Variants in TSC22D4 observed in about 807,000 individuals in gnomAD.
TSC22D4 encodes TSC22 domain family member 4.
Under a neutral mutation model 24.9 loss-of-function variants are expected in TSC22D4, and 5 were observed. The observed-to-expected ratio is 0.20, with a 90% confidence interval of 0.10 to 0.42. The LOEUF (loss-of-function observed/expected upper bound fraction) is 0.42, where lower values mean the gene tolerates loss of function less well. Ranked by LOEUF, TSC22D4 falls within the 10% of genes least tolerant of loss-of-function variation. TSC22D4 has a pLI of 1.00. For synonymous variants in TSC22D4, 245 were observed against 243.2 expected, an observed-to-expected ratio of 1.01 and a Z score of -0.07; for missense variants, 469 against 547.9, an observed-to-expected ratio of 0.86 and a Z score of 1.44.
In TSC22D4 at chr7:100,477,878, C is replaced by A. The variant is rs531456424; in HGVS notation, c.161G>T (p.Gly54Val). Residue 54 changes from glycine (G) to valine (V), a missense_variant, in exon 2 of 5, where the codon GGC (glycine) becomes GTC (valine). Coordinates refer to ENST00000300181, the MANE Select transcript of TSC22D4 (RefSeq NM_030935.5). The surrounding 1 kb of genome is among the most constrained non-coding windows in gnomAD (Gnocchi z 7.8). ...GGAGCCATTCCGGGGGGTGCCCTTG[C>A]CCCCCGGATCGGGGCTGGGCTCCCC... Reference protein sequence around the residue: ...PNGEPSPDPGGKGTPRNGSPP... With the variant: ...PNGEPSPDPGVKGTPRNGSPP... 7 of 1,579,720 alleles carry A rather than the reference C, an allele frequency of 4.4e-6. No homozygotes were observed. Among genetic ancestry groups the A allele is most frequent in the African/African-American group, 2.7e-5 (2 of 74,416 alleles).
At position 100,477,493 on chromosome 7, in the gene TSC22D4, C is replaced by A; in HGVS notation, c.546G>T (p.Glu182Asp). 1 of 1,554,178 alleles carries A rather than the reference C, an allele frequency of 6.4e-7. No homozygotes were observed. Among genetic ancestry groups the A allele is most frequent in the East Asian group, 2.3e-5 (1 of 44,310 alleles). ...GTGAGGAGGCCGACAGTGGGGGTTT[C>A]TCTGCCTTGGCTTTGCTGGGCACCA... ...QLVVPSKAKA[E>D]KPPLSASSPQ... is the part of the protein sequence containing the mutation. Residue 182 changes from glutamate to aspartate, a missense_variant, in exon 2 of 5, where the codon GAG becomes GAT. Glu to Asp is a conservative substitution (Grantham distance 45). Transcript: ENST00000300181. This position sits in a 1 kb window ranked among gnomAD's most constrained non-coding sequence, Gnocchi z 7.8.
At chr7:100,469,820 C>A (rs1799360670) in intron 3 of TSC22D4, among the ~76,000 whole-genome samples, 1 of 152,182 alleles carries the variant, frequency 6.6e-6, no homozygotes, top group Admixed American at 6.5e-5. Flanking sequence ...TTCAAGGTGA[C>A]CCCTGGATAA....
In TSC22D4 at chr7:100,477,886, A is replaced by G; in HGVS notation, c.153T>C (p.Asp51=). ...TCCGGGGGGTGCCCTTGCCCCCCGG[A>G]TCGGGGCTGGGCTCCCCATTGGGCA... ...PRLPNGEPSP[D]PGGKGTPRNG... Residue 51 remains aspartate (D), a synonymous_variant, in exon 2 of 5, where the codon GAT becomes GAC. Transcript: ENST00000300181. This position sits in a 1 kb window ranked among gnomAD's most constrained non-coding sequence, Gnocchi z 7.8. The G allele has an allele frequency of 6.4e-7, 1 of 1,572,140 alleles. No homozygotes were observed. Among genetic ancestry groups the G allele is most frequent in the Non-Finnish European group, 8.6e-7 (1 of 1,160,150 alleles).
At chr7:100,469,531 C>G (rs948367379) in intron 3 of TSC22D4, among the ~76,000 whole-genome samples, 2 of 152,142 alleles carry the variant, frequency 1.3e-5, no homozygotes, top group African/African-American at 4.8e-5. Context: ...CACTCTCAGG[C>G]CCCACCTGCG....
chr7:100,467,952 G>A (rs1395223260), intron 3 of TSC22D4: 1 of 520,840 alleles, frequency 1.9e-6, no homozygotes, highest in East Asian at 5.3e-5. Context: ...TGCCCAAGGG[G>A]AAAGGGTCCT....
chr7:100,467,732 C>G (rs535498512), intron 3 of TSC22D4, 132 bp from the exon 4 acceptor site: 20 of 988,248 alleles, frequency 2.0e-5, no homozygotes, highest in Non-Finnish European at 3.0e-5. Flanking sequence ...AGGGTTTTGT[C>G]CATCCCCCTG....
chr7:100,477,661 G>A lies in TSC22D4; in HGVS notation c.378C>T (p.Ser126=), dbSNP rs372532389. The change falls in exon 2 of 5, where the codon TCC becomes TCT. Residue 126 remains serine, a synonymous_variant. Transcript: ENST00000300181. The surrounding 1 kb of genome is among the most constrained non-coding windows in gnomAD (Gnocchi z 7.8). ...GGCCGAGGCTGGCCAGCTCCAACCTGGAATCCAAAGATCTGCCCCCGGCGC... is the reference window on the plus strand; with the variant it reads ...GGCCGAGGCTGGCCAGCTCCAACCTAGAATCCAAAGATCTGCCCCCGGCGC... ...SGGAGGRSLD[S]RLELASLGLG... The A allele has an allele frequency of 1.6e-5, 25 of 1,593,478 alleles. No homozygotes were observed. Among genetic ancestry groups the A allele is most frequent in the Non-Finnish European group, 2.0e-5 (23 of 1,175,492 alleles).
chr7:100,472,006 C>T (rs932445664), intron 3 of TSC22D4, among the ~76,000 whole-genome samples: 4 of 152,028 alleles, frequency 2.6e-5, no homozygotes, highest in Admixed American at 2.6e-4. Context: ...TAATTACCTC[C>T]TGCCTGCCGG....
chr7:100,471,284 G>A (rs1320015010), intron 3 of TSC22D4, among the ~76,000 whole-genome samples: 2 of 152,164 alleles, frequency 1.3e-5, no homozygotes, highest in South Asian at 2.1e-4. Flanking sequence ...GTACCTGACT[G>A]TCCTAGAGAG....
chr7:100,474,573 C>G lies in TSC22D4; in HGVS notation c.763-133G>C. 9.5e-7 allele frequency: 1 copy of G among 1,055,946 alleles called. No homozygotes were observed. Among genetic ancestry groups the G allele is most frequent in the Non-Finnish European group, 1.4e-6 (1 of 735,276 alleles). 65.4% of individuals were successfully genotyped at this position (1,055,946 alleles called of 1,614,324 possible). On this transcript the variant is annotated intron_variant, in intron 2 of 4. Transcript: ENST00000300181. The surrounding 1 kb of genome is among the most constrained non-coding windows in gnomAD (Gnocchi z 4.3). The stretch of plus-strand genomic sequence containing the variant: ...TTCGAGGACCCAGGAGTCCTGTCCC[C>G]GCAGTCCTTCCCTCCTCCAGCTCTG...
chr7:100,468,015 C>T (rs1317836546), intron 3 of TSC22D4: 4 of 466,378 alleles, frequency 8.6e-6, no homozygotes, highest in African/African-American at 4.0e-5. Flanking sequence ...CTGGGGGGCT[C>T]AGAGCCCCCC....
intron 3 of TSC22D4, among the ~76,000 whole-genome samples, chr7:100,473,535 G>T (rs777675708): frequency 6.6e-6 from 1 of 151,640 alleles, no homozygotes; most frequent in Admixed American, 6.6e-5. Context: ...TCTGCCTCCT[G>T]GGTTCAAGTG....
In TSC22D4 at chr7:100,477,962, C is replaced by G; in HGVS notation, c.77G>C (p.Gly26Ala). ...TTDYEGPGSP[G>A]ASDPPTPQPP... is the part of the protein sequence containing the mutation. ...CTGTGGGGTAGGGGGATCCGAAGCC[C>G]CTGGGCTCCCAGGGCCCTCATAGTC... Residue 26 changes from glycine (G) to alanine (A), a missense_variant, in exon 2 of 5, where the codon GGG becomes GCG. Transcript: ENST00000300181. This position sits in a 1 kb window ranked among gnomAD's most constrained non-coding sequence, Gnocchi z 7.8. 1 of 1,568,756 alleles carries G rather than the reference C, an allele frequency of 6.4e-7. No homozygotes were observed. Among genetic ancestry groups the G allele is most frequent in the Non-Finnish European group, 8.6e-7 (1 of 1,158,108 alleles).
chr7:100,476,763 A>G (rs544946820), intron 2 of TSC22D4, among the ~76,000 whole-genome samples: 2 of 152,212 alleles, frequency 1.3e-5, no homozygotes, highest in Non-Finnish European at 2.9e-5. Flanking sequence ...CTTGGCTTAC[A>G]GCAAAGCTGG....
intron 3 of TSC22D4, among the ~76,000 whole-genome samples, chr7:100,471,931 T>C (rs1371934723): frequency 6.6e-6 from 1 of 152,084 alleles, no homozygotes; most frequent in Non-Finnish European, 1.5e-5. Flanking sequence ...TTCTGTATAA[T>C]GCCTGGATCC....
intron 2 of TSC22D4, among the ~76,000 whole-genome samples, chr7:100,476,332 A>T (rs527959031): frequency 2.6e-5 from 4 of 152,164 alleles, no homozygotes; most frequent in Admixed American, 2.6e-4. Context: ...CAGGACCCAG[A>T]CATCCAGTCC....
chr7:100,469,443 C>T (rs975440722), intron 3 of TSC22D4, among the ~76,000 whole-genome samples: 6 of 152,224 alleles, frequency 3.9e-5, no homozygotes, highest in African/African-American at 1.4e-4. Context: ...CCTGGCTCAA[C>T]AGCCCCCAGG....
In TSC22D4 at chr7:100,478,055, G is replaced by C. The variant is rs1219968857; in HGVS notation, c.-17C>G. 11 of 1,583,678 alleles carry C rather than the reference G, an allele frequency of 6.9e-6. No individual in the cohort carries two copies. The highest frequency in any genetic ancestry group is 9.4e-6 in the Non-Finnish European group (11 of 1,167,568). On this transcript the variant is annotated 5_prime_UTR_variant, in exon 2 of 5. Coordinates refer to ENST00000300181, the MANE Select transcript of TSC22D4 (RefSeq NM_030935.5). ...CCCGCTCATGGTCCCTGGGGCTCAG[G>C]GCTGGGCCAAGGTTGGGGGTGGGTT...
chr7:100,469,647 G>A (rs1274866091), intron 3 of TSC22D4, among the ~76,000 whole-genome samples: 1 of 152,104 alleles, frequency 6.6e-6, no homozygotes, highest in African/African-American at 2.4e-5. Flanking sequence ...CTGCACTCTG[G>A]CGCTGTGGCG....
Sources: gnomAD v4.1 joint callset for allele counts (sites outside exome capture counted in the v4.1 genomes callset) on GRCh38, gnomAD v4.1.1 for gene constraint, Gnocchi (gnomAD v3.1) non-coding constraint, MANE v1.5 for transcripts, NCBI Gene and HGNC (gene_info 2026-07-23, HGNC 2026-07-21) for gene names.